The following ADK variants were observed in gnomAD, a reference collection of about 807,000 sequenced individuals.
ADK encodes N6,N6-dimethyladenosine kinase.
In ADK, 24 loss-of-function variants were observed where a neutral mutation model predicts 44.7. That is an observed-to-expected ratio of 0.54 (90% CI 0.39 to 0.76). ADK has a LOEUF of 0.76. Ranked by LOEUF, ADK falls within the 30% of genes least tolerant of loss-of-function variation. The pLI is 0.00. For synonymous variants in ADK, 128 were observed against 142.6 expected, an observed-to-expected ratio of 0.90 and a Z score of 0.73; for missense variants, 321 against 425.1, an observed-to-expected ratio of 0.76 and a Z score of 2.15.
At chr10:74,623,007 C>CAAAAACA (rs574812553) in intron 9 of ADK, among the ~76,000 whole-genome samples, 2 of 151,966 alleles carry the variant, frequency 1.3e-5, no homozygotes, top group African/African-American at 2.4e-5. Context: ...AACTCCGTCT[C>CAAAAACA]AAAAACAAAA....
rs118078224 is a variant in ADK, at chr10:74,250,225, C to T, written c.194+25634C>T. On this transcript the variant is annotated intron_variant, in intron 3 of 10. Coordinates refer to ENST00000539909, the MANE Select transcript of ADK (RefSeq NM_006721.4). ...TGATATAATTACAAATAATATTCTG[C>T]AAGAACAGTAATTTTCTCTAGCTGT... Among the ~76,000 whole-genome samples, 152 of 152,240 alleles carry T rather than the reference C, an allele frequency of 1.0e-3. 1 individual carries two copies. The East Asian group carries it at 0.022, about 22-fold the overall frequency.
chr10:74,483,281 T>A (rs1847139900), intron 6 of ADK, among the ~76,000 whole-genome samples: 1 of 152,164 alleles, frequency 6.6e-6, no homozygotes. Flanking sequence ...TGGCCTGAGA[T>A]GTATCTGGGG....
chr10:74,186,336 A>G (rs948209253), intron 1 of ADK, among the ~76,000 whole-genome samples: 2 of 150,038 alleles, frequency 1.3e-5, no homozygotes, highest in Non-Finnish European at 3.0e-5. Context: ...CTTGAGTGCA[A>G]TGGGGCAAAC....
chr10:74,306,242 CTAGT>C lies in ADK; in HGVS notation c.195-8419_195-8416del, dbSNP rs1232648970. On this transcript the variant is annotated intron_variant, in intron 3 of 10. Transcript: ENST00000539909. ...TTCTTCATTTTACTATTAAGCCCAT[CTAGT>C]TAGTTTTAAATTTCTAGTTATTGAA... Among the ~76,000 whole-genome samples, 4 of 151,988 alleles carry C rather than the reference CTAGT, an allele frequency of 2.6e-5. No homozygotes were observed. In the East Asian group the frequency reaches 5.8e-4, roughly 22 times the overall value.
chr10:74,529,340 G>A (rs1564775440), intron 7 of ADK: 1 of 152,132 alleles, frequency 6.6e-6, no homozygotes, highest in African/African-American at 2.4e-5. Flanking sequence ...TAGTAGGATA[G>A]TGATTACCTG....
At chr10:74,592,205 A>G (rs1326186903) in intron 8 of ADK, among the ~76,000 whole-genome samples, 1 of 152,122 alleles carries the variant, frequency 6.6e-6, no homozygotes, top group African/African-American at 2.4e-5. Context: ...GATTTAAATG[A>G]CAGACCTGCT....
In ADK at chr10:74,188,736, TTTC is replaced by T. The variant is rs1842855263; in HGVS notation, c.66-12025_66-12023del. ...AAGTTTAGATTATTGTTTTTAAACC[TTTC>T]TTGTTTTCTAATGTGCATTTCATTT... On this transcript the variant is annotated intron_variant, in intron 1 of 10. Coordinates refer to ENST00000539909, the MANE Select transcript of ADK (RefSeq NM_006721.4). Among the ~76,000 whole-genome samples the T allele has an allele frequency of 3.9e-5, 6 of 152,210 alleles. No homozygotes were observed. In the South Asian group the frequency reaches 1.2e-3, roughly 32 times the overall value.
intron 9 of ADK, among the ~76,000 whole-genome samples, chr10:74,614,150 T>C (rs1852658579): frequency 6.6e-6 from 1 of 152,106 alleles, no homozygotes; most frequent in African/African-American, 2.4e-5. Context: ...AGTAGTATCT[T>C]TGGGATGTGG....
chr10:74,464,606 G>A (rs1225176931), intron 6 of ADK, among the ~76,000 whole-genome samples: 1 of 152,112 alleles, frequency 6.6e-6, no homozygotes, highest in Non-Finnish European at 1.5e-5. Flanking sequence ...GAATGATGTT[G>A]TTTTATAGTT....
intron 7 of ADK, among the ~76,000 whole-genome samples, chr10:74,554,613 A>G (rs1199034191): frequency 1.3e-5 from 2 of 152,026 alleles, no homozygotes; most frequent in African/African-American, 2.4e-5. Flanking sequence ...CTGCAATTCT[A>G]TTGTTGGTTT....
chr10:74,474,756 T>G (rs1846759243), intron 6 of ADK, among the ~76,000 whole-genome samples: 1 of 152,148 alleles, frequency 6.6e-6, no homozygotes, highest in African/African-American at 2.4e-5. Flanking sequence ...CCTTCTAGGC[T>G]CAAGCAATCC....
intron 4 of ADK, among the ~76,000 whole-genome samples, chr10:74,326,264 A>AT: frequency 6.6e-6 from 1 of 152,018 alleles, no homozygotes; most frequent in Non-Finnish European, 1.5e-5. Flanking sequence ...TTTCCTCTTT[A>AT]TTTTTTAAAA....
chr10:74,649,927 A>G (rs569401553), intron 9 of ADK, among the ~76,000 whole-genome samples: 2 of 152,302 alleles, frequency 1.3e-5, no homozygotes, highest in South Asian at 4.1e-4. Context: ...CAAAACCAAG[A>G]TACCTGATTG....
chr10:74,497,005 G>A (rs1288388706), intron 6 of ADK, among the ~76,000 whole-genome samples: 1 of 151,506 alleles, frequency 6.6e-6, no homozygotes, highest in East Asian at 1.9e-4. Context: ...AAGAGACAGA[G>A]TCTTACAGTG....
chr10:74,529,629 A>G (rs1849203769), intron 7 of ADK, among the ~76,000 whole-genome samples: 1 of 152,146 alleles, frequency 6.6e-6, no homozygotes, highest in South Asian at 2.1e-4. Context: ...CCCACCTAGA[A>G]GAGGAAGTGG....
intron 7 of ADK, among the ~76,000 whole-genome samples, chr10:74,558,075 G>A (rs1324105309): frequency 6.6e-6 from 1 of 152,044 alleles, no homozygotes; most frequent in East Asian, 1.9e-4. Context: ...GCCCACAGGT[G>A]TGACTCTCTC....
chr10:74,234,340 T>C lies in ADK; in HGVS notation c.194+9749T>C, dbSNP rs142405320. ...CCACAGCAACTCTGTGAAGCAGATATTGTAATCATTCCCATTTTACAGATG... is the reference window on the plus strand; with the variant it reads ...CCACAGCAACTCTGTGAAGCAGATACTGTAATCATTCCCATTTTACAGATG... On this transcript the variant is annotated intron_variant, in intron 3 of 10. Transcript: ENST00000539909. 4.3e-4 allele frequency among the ~76,000 whole-genome samples: 66 copies of C among 152,340 alleles called. 1 individual carries two copies. In the East Asian group the frequency reaches 0.011, roughly 26 times the overall value.
At chr10:74,670,401 T>C in intron 10 of ADK, 132 bp downstream of exon 10, 1 of 710,028 alleles carries the variant, frequency 1.4e-6, no homozygotes, top group Middle Eastern at 3.8e-4. Flanking sequence ...TGAAGTTCTT[T>C]CCATATACTT....
chr10:74,427,243 G>A (rs1015059303), intron 6 of ADK, among the ~76,000 whole-genome samples: 1 of 152,094 alleles, frequency 6.6e-6, no homozygotes, highest in Non-Finnish European at 1.5e-5. Context: ...CTGTCGCCCA[G>A]GTTGGAGTGC....
Sources: allele counts gnomAD v4.1 joint callset (sites outside exome capture counted in the v4.1 genomes callset), GRCh38; gene constraint gnomAD v4.1.1; transcripts MANE v1.5; gene names NCBI Gene and HGNC (gene_info 2026-07-23, HGNC 2026-07-21).